Variants in ERLEC1 observed in about 807,000 individuals in gnomAD.
The protein encoded by ERLEC1 is ER lectin.
A neutral mutation model predicts 68.0 loss-of-function variants in ERLEC1; 47 were observed. The ratio of observed to expected loss-of-function variants is 0.69; its 90% confidence interval spans 0.55 to 0.88. The LOEUF (loss-of-function observed/expected upper bound fraction) is 0.88, where lower values mean the gene tolerates loss of function less well. ERLEC1 is among the 40% of genes least tolerant of loss of function. The pLI is 0.00. For synonymous variants in ERLEC1, 225 were observed against 203.2 expected (o/e 1.11, Z -0.91); for missense variants, 567 against 583.8 (o/e 0.97, Z 0.30).
chr2:53,799,776 G>A (rs1675910941), intron 6 of ERLEC1, among the ~76,000 whole-genome samples: 1 of 152,066 alleles, frequency 6.6e-6, no homozygotes, highest in Admixed American at 6.5e-5. Context: ...TTACTTAAAA[G>A]TGATGCCTAT....
rs62137615 is a variant in ERLEC1, at chr2:53,794,777, C to T, written c.267+328C>T. Among the ~76,000 whole-genome samples the T allele has an allele frequency of 5.5e-3, 844 of 152,254 alleles. 3 individuals carry two copies. Among genetic ancestry groups the T allele is most frequent in the Middle Eastern group, 0.01 (3 of 294 alleles). On this transcript the variant is annotated intron_variant, in intron 2 of 13. Coordinates refer to ENST00000185150, the MANE Select transcript of ERLEC1 (RefSeq NM_015701.5). ...TCAAGAAATTCTCCTGTCTCAGCCT[C>T]CCAAGTAGCTGGGATTACAGGCACA...
intron 13 of ERLEC1, among the ~76,000 whole-genome samples, chr2:53,815,431 T>A (rs549384499): frequency 2.4e-4 from 37 of 152,350 alleles, no homozygotes; most frequent in Admixed American, 1.4e-3. Flanking sequence ...TATTGAGATA[T>A]AATTTACATG....
In ERLEC1 at chr2:53,801,533, A is replaced by G; in HGVS notation, c.662A>G (p.His221Arg). Residue 221 changes from histidine to arginine, a missense_variant, in exon 7 of 14, where the codon CAT becomes CGT. Transcript: ENST00000185150. ...TACATATGTCATCCTGAATCTAAGC[A>G]TGAAATTCTTTCAGTAGCTGAAGTT... ...VMYICHPESK[H>R]EILSVAEVTT... is the part of the protein sequence containing the mutation. 6.2e-7 allele frequency: 1 copy of G among 1,614,152 alleles called. No homozygotes were observed. Among genetic ancestry groups the G allele is most frequent in the Non-Finnish European group, 8.5e-7 (1 of 1,179,988 alleles).
intron 8 of ERLEC1, among the ~76,000 whole-genome samples, chr2:53,806,773 A>C (rs941876514): frequency 6.6e-6 from 1 of 152,218 alleles, no homozygotes. Flanking sequence ...TATTTATTGG[A>C]AACCCATATA....
chr2:53,787,836 A>G (rs1329147484), intron 1 of ERLEC1, among the ~76,000 whole-genome samples: 5 of 152,242 alleles, frequency 3.3e-5, no homozygotes, highest in African/African-American at 1.2e-4. Context: ...GTATACACAC[A>G]CGGACATACG....
chr2:53,804,071 CAGTT>C (rs1676148248), intron 8 of ERLEC1, among the ~76,000 whole-genome samples: 2 of 152,180 alleles, frequency 1.3e-5, no homozygotes, highest in Non-Finnish European at 2.9e-5. Flanking sequence ...GCGGAGCTTG[CAGTT>C]AGCCAAGATT....
intron 10 of ERLEC1, among the ~76,000 whole-genome samples, chr2:53,812,241 A>AT (rs1676630221): frequency 6.6e-6 from 1 of 152,120 alleles, no homozygotes; most frequent in Admixed American, 6.6e-5. Flanking sequence ...TACTAACCAG[A>AT]TATCTATTAG....
intron 8 of ERLEC1, among the ~76,000 whole-genome samples, chr2:53,804,989 C>CTTT (rs746963770): frequency 5.4e-4 from 53 of 98,254 alleles, no homozygotes; most frequent in African/African-American, 5.4e-4. Flanking sequence ...GACAGGATCT[C>CTTT]TTTTTTTTTT....
chr2:53,809,471 CTT>C (rs1157187523), intron 10 of ERLEC1, among the ~76,000 whole-genome samples, 198 bp downstream of exon 10: 30 of 152,232 alleles, frequency 2.0e-4, no homozygotes, highest in African/African-American at 6.7e-4. Context: ...AGTGATATTG[CTT>C]ATTAATTACT....
At chr2:53,803,726 G>C (rs1676127266) in intron 8 of ERLEC1, among the ~76,000 whole-genome samples, 1 of 152,064 alleles carries the variant, frequency 6.6e-6, no homozygotes, top group South Asian at 2.1e-4. Context: ...ACTCAACCTG[G>C]GTAAAAAGAG....
intron 13 of ERLEC1, among the ~76,000 whole-genome samples, chr2:53,816,560 G>T (rs921962385): frequency 4.0e-5 from 6 of 151,878 alleles, no homozygotes; most frequent in African/African-American, 1.4e-4. Flanking sequence ...TGAGCCACCC[G>T]CACCCAGCCC....
In ERLEC1 at chr2:53,813,032, T is replaced by C; in HGVS notation, c.1185T>C (p.Ala395=). Residue 395 remains alanine (A), a synonymous_variant, in exon 11 of 14, where the codon GCT becomes GCC. Coordinates refer to ENST00000185150, the MANE Select transcript of ERLEC1 (RefSeq NM_015701.5). ...EHIEWAKKNT[A]RAYHLQDDGT... is the part of the protein sequence containing the mutation. Reference sequence around the variant, plus strand: ...TTGAATGGGCTAAGAAGAATACTGCTAGAGCTTATCATCTTCAAGACGATG... The same window carrying C: ...TTGAATGGGCTAAGAAGAATACTGCCAGAGCTTATCATCTTCAAGACGATG... 1 of 1,613,372 alleles carries C rather than the reference T, an allele frequency of 6.2e-7. No homozygotes were observed. Among genetic ancestry groups the C allele is most frequent in the Non-Finnish European group, 8.5e-7 (1 of 1,179,862 alleles).
At chr2:53,789,308 C>A (rs1056231987) in intron 1 of ERLEC1, among the ~76,000 whole-genome samples, 1 of 148,698 alleles carries the variant, frequency 6.7e-6, no homozygotes, top group East Asian at 2.0e-4. Flanking sequence ...GCAGGAGAAT[C>A]GCTTAAACCC....
chr2:53,804,710 A>G (rs113834767), intron 8 of ERLEC1, among the ~76,000 whole-genome samples: 8,701 of 152,188 alleles, frequency 0.057, 473 homozygotes, highest in East Asian at 0.29. Context: ...ATTATTGACT[A>G]TAGTCACCCT....
rs765244708 is a variant in ERLEC1 at position 53,812,938 on chromosome 2, TC to T, written c.1102-8del. 1 of 1,598,122 alleles carries T rather than the reference TC, an allele frequency of 6.3e-7. No individual in the cohort carries two copies. Among genetic ancestry groups the T allele is most frequent in the Non-Finnish European group, 8.5e-7 (1 of 1,176,540 alleles). ...AAGCACGCATTATCACAAATTTTTT[TC>T]CCATATTAGGACAAGGATAGTGGGA... On this transcript the variant is annotated splice_polypyrimidine_tract_variant and intron_variant, in intron 10 of 13. Coordinates refer to ENST00000185150, the MANE Select transcript of ERLEC1 (RefSeq NM_015701.5).
chr2:53,796,533 C>T (rs796399481), intron 3 of ERLEC1, among the ~76,000 whole-genome samples: 4 of 151,874 alleles, frequency 2.6e-5, no homozygotes, highest in African/African-American at 9.7e-5. Flanking sequence ...GATCACGATT[C>T]ACTGCAGCCC....
At chr2:53,817,666 C>G (rs1323212918) in intron 13 of ERLEC1, among the ~76,000 whole-genome samples, 1 of 151,920 alleles carries the variant, frequency 6.6e-6, no homozygotes, top group African/African-American at 2.4e-5. Context: ...TCCTTTGTTC[C>G]TTTTCCCTCC....
chr2:53,791,677 T>G lies in ERLEC1; in HGVS notation c.163-2668T>G, dbSNP rs1490630324. Reference sequence around the variant, plus strand: ...CCTAAACTAATGAAAGACTATTATTTGCATCAAGAATTGTCTTCCCTTTTT... The same window carrying G: ...CCTAAACTAATGAAAGACTATTATTGGCATCAAGAATTGTCTTCCCTTTTT... On this transcript the variant is annotated intron_variant, in intron 1 of 13. Transcript: ENST00000185150. Among the ~76,000 whole-genome samples, 6 of 152,284 alleles carry G rather than the reference T, an allele frequency of 3.9e-5. No homozygotes were observed. The South Asian group carries it at 1.2e-3, about 32-fold the overall frequency.
chr2:53,790,718 T>C (rs1675347824), intron 1 of ERLEC1, among the ~76,000 whole-genome samples: 1 of 151,640 alleles, frequency 6.6e-6, no homozygotes, highest in African/African-American at 2.4e-5. Context: ...AACTATCCTC[T>C]GGTCTCAGCC....
Sources: allele counts gnomAD v4.1 joint callset (sites outside exome capture counted in the v4.1 genomes callset), GRCh38; gene constraint gnomAD v4.1.1; transcripts MANE v1.5; gene names NCBI Gene and HGNC (gene_info 2026-07-23, HGNC 2026-07-21).